The following G2E3 variants were observed in gnomAD, a reference collection of about 807,000 sequenced individuals.
G2E3 encodes the protein G2/M-phase specific E3 ubiquitin protein ligase.
Under a neutral mutation model 92.8 loss-of-function variants are expected in G2E3, and 35 were observed. That is an observed-to-expected ratio of 0.38 (90% CI 0.29 to 0.50). The LOEUF is 0.50. G2E3 is among the 20% of genes least tolerant of loss of function. The pLI, the probability that G2E3 is intolerant of heterozygous loss-of-function variation, is 0.94. For synonymous variants in G2E3, 242 were observed against 272.4 expected (o/e 0.89, Z 1.10); for missense variants, 554 against 823.8 (o/e 0.67, Z 4.01).
In G2E3 at chr14:30,617,799, G is replaced by A. The variant is rs1882383132; in HGVS notation, c.*1265G>A. ...ACTGTACTAACAAAGTGCTAACAAT[G>A]TGAAAATATATAGTCCCATAGTCAT... On this transcript the variant is annotated 3_prime_UTR_variant, in exon 15 of 15. Coordinates refer to ENST00000206595, the MANE Select transcript of G2E3 (RefSeq NM_017769.5). The A allele has an allele frequency of 6.6e-6, 1 of 152,026 alleles. No homozygotes were observed. Among genetic ancestry groups the A allele is most frequent in the African/African-American group, 2.4e-5 (1 of 41,434 alleles). The allele number at this position is 152,026 out of a possible 1,614,324, so 9.4% of individuals were successfully genotyped here.
At chr14:30,605,392 A>T (rs749578351) in intron 10 of G2E3, 113 bp from the exon 11 acceptor site, 1 of 480,756 alleles carries the variant, frequency 2.1e-6, no homozygotes, top group Non-Finnish European at 3.7e-6. Context: ...ATTGGGGAAG[A>T]ATATCCTATT....
At chr14:30,581,756 C>T (rs1015488730) in intron 2 of G2E3, among the ~76,000 whole-genome samples, 3 of 152,026 alleles carry the variant, frequency 2.0e-5, no homozygotes, top group Non-Finnish European at 4.4e-5. Context: ...TCTACGTGCT[C>T]ACAACAATCT....
rs1881414254 is a variant in G2E3, at chr14:30,598,751, CTG to C, written c.752+154_752+155del. 4.5e-6 allele frequency: 3 copies of C among 660,182 alleles called. No homozygotes were observed. In the South Asian group the frequency reaches 5.3e-5, roughly 12 times the overall value. 40.9% of individuals were successfully genotyped at this position (660,182 alleles called of 1,614,324 possible). A position where few individuals can be genotyped will look rare whatever the true frequency, so the allele number is the denominator to read the frequency against. ...GATATTTTCTAATGCACATTTACGT[CTG>C]TTTACAGAGAAATTTTTGCAGTTAG... On this transcript the variant is annotated intron_variant, in intron 8 of 14. Coordinates refer to ENST00000206595, the MANE Select transcript of G2E3 (RefSeq NM_017769.5).
chr14:30,602,912 ATT>A, intron 10 of G2E3: 1 of 152,262 alleles, frequency 6.6e-6, no homozygotes, highest in South Asian at 2.1e-4. Context: ...ATGCCCTGCC[ATT>A]TTTTGATGTT....
intron 1 of G2E3, among the ~76,000 whole-genome samples, chr14:30,575,935 T>G (rs1467038649): frequency 6.6e-6 from 1 of 152,162 alleles, no homozygotes; most frequent in Non-Finnish European, 1.5e-5. Context: ...TTAAAATGGC[T>G]ATTGTGCCCA....
intron 12 of G2E3, chr14:30,611,190 G>A (rs1882071502): frequency 6.6e-6 from 1 of 152,180 alleles, no homozygotes; most frequent in Non-Finnish European, 1.5e-5. Context: ...CAGTCATGTA[G>A]CCCCACCTAG....
At chr14:30,597,618 A>G in intron 7 of G2E3, 92 bp downstream of exon 7, 1 of 749,790 alleles carries the variant, frequency 1.3e-6, no homozygotes, top group Non-Finnish European at 2.3e-6. Flanking sequence ...TGATTCAGTG[A>G]GCATGGACAG....
intron 2 of G2E3, among the ~76,000 whole-genome samples, chr14:30,584,492 A>G (rs1191344676): frequency 6.6e-6 from 1 of 152,212 alleles, no homozygotes; most frequent in Non-Finnish European, 1.5e-5. Flanking sequence ...TATTTCTACC[A>G]GCAGTGTGTG....
chr14:30,586,588 C>T, intron 2 of G2E3, 130 bp from the exon 3 acceptor site: 1 of 405,154 alleles, frequency 2.5e-6, no homozygotes, highest in Non-Finnish European at 4.4e-6. Context: ...TTTTAAGTTA[C>T]TGATATCAAT....
rs529599348 is a variant in G2E3 at position 30,600,620 on chromosome 14, C to T, written c.753-1150C>T. On this transcript the variant is annotated intron_variant, in intron 8 of 14. Transcript: ENST00000206595. ...TGTATTTCTTGTATACCATTGGTCT[C>T]TCAATCAGTAGCTACAACTCTTCTT... Among the ~76,000 whole-genome samples the T allele has an allele frequency of 2.0e-5, 3 of 152,294 alleles. No individual in the cohort carries two copies. The South Asian group carries it at 6.2e-4, about 32-fold the overall frequency.
chr14:30,595,265 C>A (rs868657380), intron 6 of G2E3, among the ~76,000 whole-genome samples: 1 of 152,080 alleles, frequency 6.6e-6, no homozygotes, highest in African/African-American at 2.4e-5. Flanking sequence ...GAAGTGTTAT[C>A]CTTACCTGTT....
In G2E3 at chr14:30,618,222, A is replaced by G. The variant is rs1339247292; in HGVS notation, c.*1688A>G. The G allele has an allele frequency of 6.6e-6, 1 of 152,094 alleles. No homozygotes were observed. Among genetic ancestry groups the G allele is most frequent in the Non-Finnish European group, 1.5e-5 (1 of 67,938 alleles). 9.4% of individuals were successfully genotyped at this position (152,094 alleles called of 1,614,324 possible). On this transcript the variant is annotated 3_prime_UTR_variant, in exon 15 of 15. Coordinates refer to ENST00000206595, the MANE Select transcript of G2E3 (RefSeq NM_017769.5). ...GAAATATTTAAGAACATTAAACAAG[A>G]CATTTCTTTGGCTTTGGTTGAATTT...
intron 13 of G2E3, among the ~76,000 whole-genome samples, chr14:30,612,865 GA>G (rs1344721464): frequency 1.3e-5 from 2 of 151,862 alleles, no homozygotes; most frequent in African/African-American, 4.8e-5. Flanking sequence ...TCAAAAAAAT[GA>G]AAAAAGAATT....
At position 30,605,485 on chromosome 14, in the gene G2E3, T is replaced by C. The variant is rs770140150; in HGVS notation, c.1011-20T>C. 9.8e-7 allele frequency: 1 copy of C among 1,025,060 alleles called. No individual in the cohort carries two copies. The highest frequency in any genetic ancestry group is 1.4e-6 in the Non-Finnish European group (1 of 692,978). The allele number at this position is 1,025,060 out of a possible 1,614,324, so 63.5% of individuals were successfully genotyped here. Reference sequence around the variant, plus strand: ...GTACTTTAAAGTACTTATCTCTATATTTAAATTCATGTTTTATAGGCAAGG... The same window carrying C: ...GTACTTTAAAGTACTTATCTCTATACTTAAATTCATGTTTTATAGGCAAGG... On this transcript the variant is annotated intron_variant, in intron 10 of 14. Coordinates refer to ENST00000206595, the MANE Select transcript of G2E3 (RefSeq NM_017769.5).
intron 12 of G2E3, among the ~76,000 whole-genome samples, chr14:30,610,792 G>C (rs6571355): frequency 0.05 from 7,539 of 152,206 alleles, 617 homozygotes; most frequent in African/African-American, 0.17. Flanking sequence ...AGATTTTAGG[G>C]TAAGAGTTGG....
chr14:30,592,276 A>T, intron 4 of G2E3, 47 bp from the exon 5 acceptor site: 3 of 1,542,586 alleles, frequency 1.9e-6, no homozygotes, highest in Non-Finnish European at 2.7e-6. Context: ...ATATTATAAT[A>T]CTCAGATTTT....
intron 10 of G2E3, among the ~76,000 whole-genome samples, chr14:30,603,575 C>T (rs966526185): frequency 3.5e-4 from 53 of 152,144 alleles, no homozygotes; most frequent in African/African-American, 1.3e-3. Context: ...GGCATGGTGA[C>T]TCATACCTGT....
chr14:30,598,341 T>G, intron 7 of G2E3, 142 bp from the exon 8 acceptor site: 2 of 561,370 alleles, frequency 3.6e-6, no homozygotes, highest in Non-Finnish European at 6.4e-6. Flanking sequence ...GACCTGAGAT[T>G]GCACCACTGT....
intron 4 of G2E3, chr14:30,590,770 A>G (rs1880963783): frequency 2.2e-6 from 1 of 455,338 alleles, no homozygotes; most frequent in South Asian, 1.6e-5. Flanking sequence ...AACGTGAGAT[A>G]TTAGTATCAT....
Sources: allele counts gnomAD v4.1 joint callset (sites outside exome capture counted in the v4.1 genomes callset), GRCh38; gene constraint gnomAD v4.1.1; transcripts MANE v1.5; gene names NCBI Gene and HGNC (gene_info 2026-07-23, HGNC 2026-07-21).